CEP128: variants seen among roughly 807,000 people sequenced by gnomAD.
CEP128 encodes centrosomal protein 128, also known as centrosomal protein 128kDa.
CEP128 carries 132 observed loss-of-function variants against 156.7 expected under a neutral mutation model. The observed-to-expected ratio is 0.84, with a 90% CI of 0.73 to 0.97. The LOEUF (loss-of-function observed/expected upper bound fraction) is 0.97. Among genes scored for constraint, CEP128 ranks in the 50% least tolerant of loss-of-function variants. CEP128 has a pLI of 0.00. For missense variants in CEP128, 1,252 were observed against 1,281.9 expected, an observed-to-expected ratio of 0.98 and a Z score of 0.36; for synonymous variants, 469 against 448.9, an observed-to-expected ratio of 1.04 and a Z score of -0.57.
chr14:80,575,557 G>A (rs1243351859), intron 20 of CEP128, among the ~76,000 whole-genome samples: 2 of 152,194 alleles, frequency 1.3e-5, no homozygotes, highest in African/African-American at 2.4e-5. Context: ...GAAGAGGGAA[G>A]GAGAAGCCCG....
intron 19 of CEP128, among the ~76,000 whole-genome samples, chr14:80,592,661 C>T (rs766003680): frequency 6.6e-5 from 10 of 152,134 alleles, no homozygotes; most frequent in Non-Finnish European, 1.2e-4. Flanking sequence ...AGGCCAGCAC[C>T]ATCCTGATAC....
Position 80,583,298 on chromosome 14 carries a change from AG to A in CEP128, c.2807-2876del, listed in dbSNP as rs146597409. On this transcript the variant is annotated intron_variant, in intron 19 of 24. Coordinates refer to ENST00000555265, the MANE Select transcript of CEP128 (RefSeq NM_152446.5). ...CTCCCTGACTGACCATCTTGTATAA[AG>A]GGTATAAGCAGACACCTGTTTTGGT... is the stretch of plus-strand genomic sequence containing the variant. 4.6e-3 allele frequency among the ~76,000 whole-genome samples: 707 copies of A among 152,328 alleles called. 1 individual carries two copies. The highest frequency in any genetic ancestry group is 6.5e-3 in the Non-Finnish European group (442 of 68,024).
intron 2 of CEP128, among the ~76,000 whole-genome samples, chr14:80,920,196 T>G (rs1425007918): frequency 1.3e-5 from 2 of 152,292 alleles, no homozygotes; most frequent in East Asian, 3.9e-4. Flanking sequence ...TAACTAACCC[T>G]TTGTGCCACA....
intron 19 of CEP128, among the ~76,000 whole-genome samples, chr14:80,718,313 C>T (rs959630801): frequency 6.6e-6 from 1 of 152,072 alleles, no homozygotes; most frequent in African/African-American, 2.4e-5. Flanking sequence ...ATCTTTTCAG[C>T]AAAAGTAAAG....
chr14:80,796,851 T>C (rs1032990141), intron 13 of CEP128, among the ~76,000 whole-genome samples: 7 of 152,296 alleles, frequency 4.6e-5, no homozygotes, highest in East Asian at 3.9e-4. Context: ...GCATCTTAAA[T>C]TTAGCAAGTC....
chr14:80,559,269 C>T lies in CEP128; in HGVS notation c.2880+10G>A, dbSNP rs758833149. 5 of 1,604,248 alleles carry T rather than the reference C, an allele frequency of 3.1e-6. No homozygotes were observed. The Admixed American group carries it at 8.5e-5, about 27-fold the overall frequency. On this transcript the variant is annotated intron_variant, in intron 21 of 24. Coordinates refer to ENST00000555265, the MANE Select transcript of CEP128 (RefSeq NM_152446.5). ...TCTGATAAAAGGAGAAAGAAAATGC[C>T]CCAACTTACCGTTTCTAATGCAATT...
chr14:80,874,742 T>C (rs908599109), intron 8 of CEP128, among the ~76,000 whole-genome samples: 2 of 152,102 alleles, frequency 1.3e-5, no homozygotes. Flanking sequence ...CTCAGCCTCC[T>C]GAGTAGCTGG....
intron 18 of CEP128, among the ~76,000 whole-genome samples, chr14:80,753,271 TA>T (rs1899481034): frequency 6.6e-6 from 1 of 152,044 alleles, no homozygotes; most frequent in South Asian, 2.1e-4. Flanking sequence ...ATTTACAGAC[TA>T]AAGACACAGA....
intron 2 of CEP128, among the ~76,000 whole-genome samples, chr14:80,926,376 C>T (rs1420637442): frequency 6.6e-6 from 1 of 152,162 alleles, no homozygotes; most frequent in African/African-American, 2.4e-5. Context: ...CTTACTGCCA[C>T]CCGCTACCAC....
At chr14:80,768,337 TTAAAG>T (rs1431749004) in intron 16 of CEP128, among the ~76,000 whole-genome samples, 24 of 152,178 alleles carry the variant, frequency 1.6e-4, no homozygotes, top group African/African-American at 4.8e-4. Context: ...AGAATCAATT[TTAAAG>T]TAGAGTCAAT....
chr14:80,855,065 T>A (rs528521842), intron 9 of CEP128, among the ~76,000 whole-genome samples: 2 of 152,238 alleles, frequency 1.3e-5, no homozygotes, highest in Non-Finnish European at 2.9e-5. Context: ...CCCCGATTTA[T>A]ACTACACACA....
intron 19 of CEP128, among the ~76,000 whole-genome samples, chr14:80,617,918 T>A (rs1463460977): frequency 6.6e-6 from 1 of 152,262 alleles, no homozygotes; most frequent in East Asian, 1.9e-4. Flanking sequence ...AAATCCCACT[T>A]CACTTAATAA....
intron 2 of CEP128, among the ~76,000 whole-genome samples, chr14:80,922,007 T>C (rs1274591310): frequency 6.6e-6 from 1 of 151,600 alleles, no homozygotes; most frequent in African/African-American, 2.4e-5. Context: ...CTACAATGAT[T>C]TGCATTAATA....
chr14:80,727,868 T>A (rs1199781650), intron 19 of CEP128, among the ~76,000 whole-genome samples: 1 of 152,094 alleles, frequency 6.6e-6, no homozygotes, highest in African/African-American at 2.4e-5. Context: ...ATAACAGATG[T>A]TGGCATGGTT....
At chr14:80,653,344 A>T (rs929156014) in intron 19 of CEP128, among the ~76,000 whole-genome samples, 3 of 152,060 alleles carry the variant, frequency 2.0e-5, no homozygotes, top group African/African-American at 7.2e-5. Flanking sequence ...AATAAAAAAA[A>T]AAGTTGGAAG....
At chr14:80,734,630 A>T (rs1238203577) in intron 19 of CEP128, among the ~76,000 whole-genome samples, 1 of 152,000 alleles carries the variant, frequency 6.6e-6, no homozygotes, top group Non-Finnish European at 1.5e-5. Flanking sequence ...CGGGCAGATC[A>T]TGAGGTCAAG....
At chr14:80,596,887 CAT>C (rs1254518896) in intron 19 of CEP128, among the ~76,000 whole-genome samples, 1 of 119,504 alleles carries the variant, frequency 8.4e-6, no homozygotes, top group East Asian at 2.6e-4. Context: ...ACAAAAATGT[CAT>C]ATATCAAAAT....
chr14:80,581,331 A>G (rs528614776), intron 19 of CEP128, among the ~76,000 whole-genome samples: 40 of 152,334 alleles, frequency 2.6e-4, no homozygotes, highest in African/African-American at 9.1e-4. Context: ...ACTATGTTAC[A>G]TAAAAGGAAA....
chr14:80,905,212 C>A (rs759500784), intron 5 of CEP128, among the ~76,000 whole-genome samples: 1 of 151,772 alleles, frequency 6.6e-6, no homozygotes, highest in Admixed American at 6.6e-5. Context: ...TTTTCTCATA[C>A]AAAAATAATA....
Sources: gnomAD v4.1 joint callset for allele counts (sites outside exome capture counted in the v4.1 genomes callset) on GRCh38, gnomAD v4.1.1 for gene constraint, MANE v1.5 for transcripts, NCBI Gene and HGNC (gene_info 2026-07-23, HGNC 2026-07-21) for gene names.